The following MCF2L2 variants were observed in gnomAD, a reference collection of about 807,000 sequenced individuals.
MCF2L2 encodes probable guanine nucleotide exchange factor MCF2L2.
Under a neutral mutation model 150.2 loss-of-function variants are expected in MCF2L2, and 102 were observed. The observed-to-expected ratio is 0.68, with a 90% confidence interval of 0.58 to 0.80. The LOEUF (loss-of-function observed/expected upper bound fraction) is 0.80. Among genes scored for constraint, MCF2L2 ranks in the 30% least tolerant of loss-of-function variants. The pLI is 0.00. For synonymous variants in MCF2L2, 465 were observed against 491.3 expected (o/e 0.95, Z 0.71); for missense variants, 1,256 against 1,372.8 (o/e 0.91, Z 1.34).
At chr3:183,247,211 G>A (rs1223950059) in intron 15 of MCF2L2, among the ~76,000 whole-genome samples, 1 of 152,200 alleles carries the variant, frequency 6.6e-6, no homozygotes, top group Admixed American at 6.5e-5. Flanking sequence ...AATAGTGACA[G>A]AGGAACCAAT....
At chr3:183,198,850 A>C (rs1413005701) in intron 25 of MCF2L2, among the ~76,000 whole-genome samples, 1 of 152,196 alleles carries the variant, frequency 6.6e-6, no homozygotes, top group African/African-American at 2.4e-5. Flanking sequence ...TGCAGGGAAC[A>C]AGTGACTTTT....
At chr3:183,217,348 T>C (rs1722984236) in intron 21 of MCF2L2, among the ~76,000 whole-genome samples, 1 of 143,928 alleles carries the variant, frequency 6.9e-6, no homozygotes, top group Non-Finnish European at 1.5e-5. Flanking sequence ...GGTGTGTGCC[T>C]GTAATCCCAG....
At chr3:183,252,599 G>A (rs966829305) in intron 15 of MCF2L2, among the ~76,000 whole-genome samples, 5 of 152,114 alleles carry the variant, frequency 3.3e-5, no homozygotes, top group African/African-American at 7.2e-5. Flanking sequence ...ATCCTCCTGC[G>A]GCTCAGCCTC....
At position 183,283,927 on chromosome 3, in the gene MCF2L2, T is replaced by C. The variant is rs761343273; in HGVS notation, c.1776+5193A>G. 6.6e-6 allele frequency among the ~76,000 whole-genome samples: 1 copy of C among 152,362 alleles called. No homozygotes were observed. Among genetic ancestry groups the C allele is most frequent in the Non-Finnish European group, 1.5e-5 (1 of 68,040 alleles). On this transcript the variant is annotated intron_variant, in intron 14 of 29. Transcript: ENST00000328913. This position sits in a 1 kb window ranked among gnomAD's most constrained non-coding sequence, Gnocchi z 4.2. ...CTACCACATTATATATTCCTTTTAC[T>C]GTAGAAACGTCATTCTGCTTTATAT...
At chr3:183,299,804 T>A in intron 11 of MCF2L2, 2 of 544,410 alleles carry the variant, frequency 3.7e-6, no homozygotes, top group East Asian at 7.0e-5. Context: ...TGTGGTGGGA[T>A]GGCCAGAGCA....
chr3:183,193,173 C>T (rs368677502), intron 26 of MCF2L2, 77 bp from the exon 27 acceptor site: 103 of 1,199,758 alleles, frequency 8.6e-5, no homozygotes, highest in African/African-American at 7.3e-4. Context: ...GTTGGAGTAA[C>T]GCTGGCCCAC....
chr3:183,198,971 T>C (rs1229690457), intron 25 of MCF2L2, among the ~76,000 whole-genome samples: 7 of 152,182 alleles, frequency 4.6e-5, no homozygotes, highest in Admixed American at 3.9e-4. Context: ...AAGTAAACCA[T>C]AGTTTTTTTC....
intron 5 of MCF2L2, among the ~76,000 whole-genome samples, chr3:183,336,107 C>G (rs1730467108): frequency 1.3e-5 from 2 of 152,124 alleles, no homozygotes; most frequent in Non-Finnish European, 2.9e-5. Flanking sequence ...ATTATTGAGT[C>G]TGCAGTATTT....
chr3:183,261,348 G>A (rs1401628963), intron 15 of MCF2L2, among the ~76,000 whole-genome samples: 1 of 152,088 alleles, frequency 6.6e-6, no homozygotes, highest in Non-Finnish European at 1.5e-5. Context: ...AAAATACTTG[G>A]AATATAGAAC....
chr3:183,274,574 G>T (rs1727045625), intron 15 of MCF2L2, among the ~76,000 whole-genome samples: 1 of 151,896 alleles, frequency 6.6e-6, no homozygotes, highest in Non-Finnish European at 1.5e-5. Context: ...TTTGTTTATG[G>T]TAGAACTTTT....
intron 15 of MCF2L2, chr3:183,258,409 C>G (rs545155925): frequency 6.6e-6 from 1 of 152,658 alleles, no homozygotes; most frequent in African/African-American, 2.4e-5. Context: ...CGGGGTATGG[C>G]TGTAGACTTC....
chr3:183,364,475 A>G (rs941327467), intron 3 of MCF2L2, among the ~76,000 whole-genome samples: 3 of 152,052 alleles, frequency 2.0e-5, no homozygotes, highest in East Asian at 1.9e-4. Context: ...AGCCAAGATC[A>G]CGCCACTGCA....
chr3:183,184,255 T>A (rs903463167), intron 27 of MCF2L2, among the ~76,000 whole-genome samples: 9 of 152,342 alleles, frequency 5.9e-5, no homozygotes, highest in African/African-American at 1.9e-4. Flanking sequence ...TGATCTCAGG[T>A]GATCCACCTG....
intron 1 of MCF2L2, among the ~76,000 whole-genome samples, chr3:183,418,345 G>A (rs1291881667): frequency 6.6e-6 from 1 of 152,160 alleles, no homozygotes; most frequent in African/African-American, 2.4e-5. Flanking sequence ...GATTTGGATA[G>A]GAACACAGAG....
At chr3:183,371,270 G>A (rs910004858) in intron 3 of MCF2L2, among the ~76,000 whole-genome samples, 6 of 152,154 alleles carry the variant, frequency 3.9e-5, no homozygotes, top group Non-Finnish European at 7.4e-5. Context: ...AGGAGGTCTT[G>A]ACAACAAGTG....
At chr3:183,218,562 G>A (rs1473358555) in intron 21 of MCF2L2, among the ~76,000 whole-genome samples, 1 of 152,188 alleles carries the variant, frequency 6.6e-6, no homozygotes, top group Non-Finnish European at 1.5e-5. Flanking sequence ...TTGAACCCGG[G>A]AGGCGGAGTT....
At chr3:183,202,095 G>A (rs1266211038) in intron 25 of MCF2L2, among the ~76,000 whole-genome samples, 2 of 152,084 alleles carry the variant, frequency 1.3e-5, no homozygotes, top group African/African-American at 2.4e-5. Flanking sequence ...CCATGGGAGG[G>A]GCAGAACAGG....
chr3:183,277,320 G>C (rs912466894), intron 14 of MCF2L2, among the ~76,000 whole-genome samples: 7 of 146,082 alleles, frequency 4.8e-5, no homozygotes, highest in Non-Finnish European at 1.0e-4. Flanking sequence ...CTCAGCAACA[G>C]AGCGAGATGC....
intron 18 of MCF2L2, chr3:183,224,460 C>T (rs1482555381): frequency 2.5e-5 from 8 of 316,392 alleles, no homozygotes; most frequent in Admixed American, 4.3e-5. Flanking sequence ...AGTAGACTCA[C>T]AAACAGGAAT....
Sources: allele counts gnomAD v4.1 joint callset (sites outside exome capture counted in the v4.1 genomes callset), GRCh38; gene constraint gnomAD v4.1.1; non-coding constraint Gnocchi (gnomAD v3.1); transcripts MANE v1.5; gene names NCBI Gene and HGNC (gene_info 2026-07-23, HGNC 2026-07-21).